DUSP15: variants seen among roughly 807,000 people sequenced by gnomAD.
DUSP15 encodes the protein dual specificity phosphatase 15.
Under a neutral mutation model 26.3 loss-of-function variants are expected in DUSP15, and 23 were observed. The observed-to-expected ratio is 0.87, with a 90% CI of 0.63 to 1.24. DUSP15 has a LOEUF of 1.24. DUSP15 is among the 50% of genes most tolerant of loss of function. The pLI, the probability that DUSP15 is intolerant of heterozygous loss-of-function variation, is 0.00. For missense variants in DUSP15, 364 were observed against 320.6 expected (o/e 1.14, Z -1.03); for synonymous variants, 143 against 135.5 (o/e 1.06, Z -0.39).
At chr20:31,853,730 T>TGGGACTACA (rs964173117) in intron 6 of DUSP15, among the ~76,000 whole-genome samples, 1 of 151,556 alleles carries the variant, frequency 6.6e-6, no homozygotes, top group Non-Finnish European at 1.5e-5. Flanking sequence ...TCCAAGTAGC[T>TGGGACTACA]GGGACTACAG....
intron 6 of DUSP15, among the ~76,000 whole-genome samples, chr20:31,852,089 C>A (rs1452488071): frequency 2.0e-5 from 3 of 151,452 alleles, no homozygotes; most frequent in East Asian, 3.9e-4. Flanking sequence ...CTCACTGCAA[C>A]CTCCACCTCC....
chr20:31,861,743 G>GC lies in DUSP15; in HGVS notation c.436-69dup, dbSNP rs1299101840. 2.0e-5 allele frequency: 24 copies of GC among 1,187,060 alleles called. No homozygotes were observed. The African/African-American group carries it at 3.1e-4, about 15-fold the overall frequency. The allele number at this position is 1,187,060 out of a possible 1,614,324, so 73.5% of individuals were successfully genotyped here. On this transcript the variant is annotated intron_variant, in intron 6 of 6. Coordinates refer to ENST00000339738, the MANE Select transcript of DUSP15 (RefSeq NM_080611.5). ...GGGCGGGGTCAAGGCAGCCGGCCCC[G>GC]CCCCCACCCTCCCGACCTTCGCCCT... is the stretch of plus-strand genomic sequence containing the variant.
intron 6 of DUSP15, among the ~76,000 whole-genome samples, 162 bp downstream of exon 6, chr20:31,862,409 A>T (rs990214101): frequency 6.6e-6 from 1 of 152,180 alleles, no homozygotes; most frequent in African/African-American, 2.4e-5. Context: ...TGTCTAACAA[A>T]ATACACCTAG....
rs57662463 is a variant in DUSP15, at chr20:31,867,631, G to GTTTTTTTTTT, written c.56-488_56-479dup. Among the ~76,000 whole-genome samples, 15 of 77,646 alleles carry GTTTTTTTTTT rather than the reference G, an allele frequency of 1.9e-4. 1 individual carries two copies. Among genetic ancestry groups the GTTTTTTTTTT allele is most frequent in the East Asian group, 1.3e-3 (3 of 2,338 alleles). The allele number at this position is 77,646 out of a possible 152,430, so 50.9% of individuals were successfully genotyped here. ...GCTGATGTGCAATGATGCCCACAAT[G>GTTTTTTTTTT]TTTTTTTTTTTTTTTTTTTTTTTTT... On this transcript the variant is annotated intron_variant, in intron 2 of 6. Coordinates refer to ENST00000339738, the MANE Select transcript of DUSP15 (RefSeq NM_080611.5).
At chr20:31,846,117 GAGACACACAGACACAGACACACACAC>G (rs1289275572), downstream of DUSP15, among the ~76,000 whole-genome samples, 2 of 74,706 alleles carry the variant, frequency 2.7e-5, no homozygotes, top group South Asian at 2.5e-4. Flanking sequence ...CAGACACACA[GAGACACACAGACACAGACACACACAC>G]AGACACACAC....
downstream of DUSP15, among the ~76,000 whole-genome samples, chr20:31,859,772 A>G (rs2062615015): frequency 6.6e-6 from 1 of 152,164 alleles, no homozygotes; most frequent in Non-Finnish European, 1.5e-5. Context: ...AAATAGGGGA[A>G]GACACCATCA....
chr20:31,861,703 G>T (rs1251689079), intron 6 of DUSP15, 28 bp from the exon 7 acceptor site: 3 of 862,154 alleles, frequency 3.5e-6, no homozygotes, highest in African/African-American at 1.1e-4. Context: ...GGTGGGCGGG[G>T]TCAAGGCCGG....
exon 9 of DUSP15, chr20:31,848,862 C>T (rs1341887037): frequency 2.5e-6 from 4 of 1,612,114 alleles, no homozygotes; most frequent in South Asian, 1.1e-5. Context: ...TCCTCCTCAC[C>T]GAAGCACAGA....
chr20:31,848,906 G>C, intron 8 of DUSP15: 2 of 1,610,058 alleles, frequency 1.2e-6, no homozygotes. Context: ...TGACCATCCT[G>C]CAGGTGGGCA....
chr20:31,850,529 G>C, intron 7 of DUSP15: 1 of 1,402,538 alleles, frequency 7.1e-7, no homozygotes, highest in Non-Finnish European at 9.9e-7. Flanking sequence ...CTTTGGGTGG[G>C]AGAGAGAGGT....
intron 3 of DUSP15, among the ~76,000 whole-genome samples, chr20:31,865,639 C>G (rs1017272704): frequency 6.6e-6 from 1 of 152,198 alleles, no homozygotes; most frequent in Non-Finnish European, 1.5e-5. Flanking sequence ...GGGCCAGGCC[C>G]GTCACTGGCA....
At chr20:31,852,346 G>A (rs2062483350) in intron 6 of DUSP15, among the ~76,000 whole-genome samples, 1 of 152,176 alleles carries the variant, frequency 6.6e-6, no homozygotes, top group Non-Finnish European at 1.5e-5. Context: ...AAACTGTGTG[G>A]TCTAGGCGTC....
At chr20:31,859,532 C>T (rs2062611830), downstream of DUSP15, among the ~76,000 whole-genome samples, 1 of 152,198 alleles carries the variant, frequency 6.6e-6, no homozygotes, top group African/African-American at 2.4e-5. Context: ...GCTGGGAGGG[C>T]TTTCTTCCTG....
rs768989866 is a variant in DUSP15, at chr20:31,863,784, G to T, written c.263+123C>A. On this transcript the variant is annotated intron_variant, in intron 5 of 6. Coordinates refer to ENST00000339738, the MANE Select transcript of DUSP15 (RefSeq NM_080611.5). ...TCTCCAGTGAATGGTGGGCCCTCAG[G>T]CACTGTGACAGGCTGGAGAAGATCC... is the stretch of plus-strand genomic sequence containing the variant. The T allele has an allele frequency of 3.1e-5, 29 of 947,860 alleles. 1 individual carries two copies. Among genetic ancestry groups the T allele is most frequent in the Non-Finnish European group, 4.6e-5 (28 of 611,956 alleles). 58.7% of individuals were successfully genotyped at this position (947,860 alleles called of 1,614,324 possible).
rs140560517 is a variant in DUSP15, at chr20:31,862,667, G to C, written c.339C>G (p.Asp113Glu). The change falls in exon 6 of 7, where the codon GAC (aspartate) becomes GAG (glutamate). Residue 113 changes from aspartate (D) to glutamate (E), a missense_variant. Asp to Glu is a conservative substitution (Grantham distance 45). Transcript: ENST00000339738. ...TGGTGGCCTTGATGGCTTCAAGCAC[G>C]TCCCGCCAGCCTAGCCCCGTCACAG... ...VMTVTGLGWR[D>E]VLEAIKATRP... 6 of 1,614,098 alleles carry C rather than the reference G, an allele frequency of 3.7e-6. No individual in the cohort carries two copies. Among genetic ancestry groups the C allele is most frequent in the Non-Finnish European group, 4.2e-6 (5 of 1,180,004 alleles).
chr20:31,870,581 C>T (rs1356563282), upstream of DUSP15: 4 of 1,448,510 alleles, frequency 2.8e-6, no homozygotes, highest in Non-Finnish European at 3.6e-6. This position sits in a 1 kb window ranked among gnomAD's most constrained non-coding sequence, Gnocchi z 6.6. Context: ...CCTACCCCTT[C>T]GGTCATGTGG....
At position 31,861,521 on chromosome 20, in the gene DUSP15, A is replaced by C; in HGVS notation, c.590T>G (p.Val197Gly). 2 of 1,524,378 alleles carry C rather than the reference A, an allele frequency of 1.3e-6. No individual in the cohort carries two copies. The highest frequency in any genetic ancestry group is 2.6e-5 in the East Asian group (1 of 38,654). The allele number at this position is 1,524,378 out of a possible 1,614,324, so 94.4% of individuals were successfully genotyped here. A position where few individuals can be genotyped will look rare whatever the true frequency, so the allele number is the denominator to read the frequency against. The change falls in exon 7 of 7, where the codon GTG becomes GGG. Residue 197 changes from valine (V) to glycine (G), a missense_variant. Val to Gly is a moderately radical substitution (Grantham distance 109, BLOSUM62 -3). Coordinates refer to ENST00000339738, the MANE Select transcript of DUSP15 (RefSeq NM_080611.5). Reference sequence around the variant, plus strand: ...GGGCGTGCGCGGCACCAGGCGCTGCACGGTTCCCTCGGAGGCTGCTGAGTG... The same window carrying C: ...GGGCGTGCGCGGCACCAGGCGCTGCCCGGTTCCCTCGGAGGCTGCTGAGTG... ...GPHSAASEGT[V>G]QRLVPRTPRE... is the part of the protein sequence containing the mutation.
Position 31,861,633 on chromosome 20 carries a change from G to T in DUSP15, c.478C>A (p.Arg160Ser). ...AGCGCGCGCAACTCCTCCTCGTCGCGGAAGGGGCTCTCGCCGAAGCGCTCC... is the reference window on the plus strand; with the variant it reads ...AGCGCGCGCAACTCCTCCTCGTCGCTGAAGGGGCTCTCGCCGAAGCGCTCC... ...LEERFGESPF[R>S]DEEELRALLP... is the part of the protein sequence containing the mutation. The change falls in exon 7 of 7, where the codon CGC becomes AGC. Residue 160 changes from arginine (R) to serine (S), a missense_variant. Arg to Ser is a moderately radical substitution (Grantham distance 110). Transcript: ENST00000339738. The T allele has an allele frequency of 2.7e-6, 4 of 1,491,486 alleles. No homozygotes were observed. The highest frequency in any genetic ancestry group is 2.3e-4 in the Middle Eastern group (1 of 4,264). 92.4% of individuals were successfully genotyped at this position (1,491,486 alleles called of 1,614,324 possible).
intron 6 of DUSP15, among the ~76,000 whole-genome samples, chr20:31,852,841 A>G (rs2062496260): frequency 1.3e-5 from 2 of 152,206 alleles, no homozygotes; most frequent in Admixed American, 6.5e-5. Context: ...GGAGGCGTCC[A>G]GCTGGCTGCA....
Sources: gnomAD v4.1 joint callset for allele counts (sites outside exome capture counted in the v4.1 genomes callset) on GRCh38, gnomAD v4.1.1 for gene constraint, Gnocchi (gnomAD v3.1) non-coding constraint, MANE v1.5 for transcripts, NCBI Gene and HGNC (gene_info 2026-07-23, HGNC 2026-07-21) for gene names.